Variants in CLTCL1 observed in about 807,000 individuals in gnomAD.
CLTCL1 encodes the protein clathrin heavy chain like 1, also known as clathrin heavy chain 2.
CLTCL1 carries 159 observed loss-of-function variants against 190.0 expected under a neutral mutation model. That is an observed-to-expected ratio of 0.84 (90% CI 0.74 to 0.95). The LOEUF (loss-of-function observed/expected upper bound fraction) is 0.95. Ranked by LOEUF, CLTCL1 falls within the 40% of genes least tolerant of loss-of-function variation. The pLI is 0.00. For missense variants in CLTCL1, 1,878 were observed against 2,033.4 expected (o/e 0.92, Z 1.47); for synonymous variants, 752 against 769.6 (o/e 0.98, Z 0.38).
intron 22 of CLTCL1, among the ~76,000 whole-genome samples, chr22:19,202,441 C>T (rs12172170): frequency 0.021 from 305 of 14,360 alleles, 3 homozygotes; most frequent in East Asian, 0.18. Flanking sequence ...CCTCCTTCCG[C>T]CATCCACGGC....
At chr22:19,213,525 C>A (rs782588378) in intron 19 of CLTCL1, among the ~76,000 whole-genome samples, 1 of 152,156 alleles carries the variant, frequency 6.6e-6, no homozygotes, top group Non-Finnish European at 1.5e-5. Context: ...CTGAAAACCA[C>A]CCAAACGTAC....
intron 2 of CLTCL1, chr22:19,257,952 C>A: frequency 2.4e-6 from 2 of 850,112 alleles, no homozygotes. Context: ...TTTGCAAATT[C>A]TGTGGACAAT....
chr22:19,260,779 CAAAA>C (rs34267370), intron 2 of CLTCL1, among the ~76,000 whole-genome samples: 1 of 56,924 alleles, frequency 1.8e-5, no homozygotes, highest in South Asian at 7.5e-4. Context: ...AACTCTGTCT[CAAAA>C]AAAAAAAAAA....
At chr22:19,247,592 C>T (rs1030861659) in intron 3 of CLTCL1, among the ~76,000 whole-genome samples, 2 of 152,058 alleles carry the variant, frequency 1.3e-5, no homozygotes, top group Admixed American at 6.6e-5. Context: ...CAGAGTTCCA[C>T]TCTTGTTGCC....
chr22:19,183,702 G>C, intron 29 of CLTCL1, 91 bp from the exon 30 acceptor site: 4 of 1,277,354 alleles, frequency 3.1e-6, no homozygotes, highest in Non-Finnish European at 3.3e-6. Context: ...AGTGGCACTA[G>C]ACTCCACCAA....
chr22:19,234,931 T>C (rs2086032459), intron 6 of CLTCL1, among the ~76,000 whole-genome samples: 1 of 134,948 alleles, frequency 7.4e-6, no homozygotes, highest in Non-Finnish European at 1.7e-5. Flanking sequence ...GTCACACAGA[T>C]AAGTGTGATG....
chr22:19,255,268 A>G (rs1055173219), intron 2 of CLTCL1, among the ~76,000 whole-genome samples: 2 of 152,224 alleles, frequency 1.3e-5, no homozygotes, highest in African/African-American at 4.8e-5. Flanking sequence ...ACAACCTACA[A>G]AAATTTCAAT....
chr22:19,223,812 C>T, intron 14 of CLTCL1, 79 bp downstream of exon 14: 3 of 1,562,348 alleles, frequency 1.9e-6, no homozygotes. Context: ...CTTCCTGCCC[C>T]TGGGACGTCC....
intron 4 of CLTCL1, among the ~76,000 whole-genome samples, chr22:19,240,438 G>C (rs2086217894): frequency 6.6e-6 from 1 of 152,060 alleles, no homozygotes; most frequent in African/African-American, 2.4e-5. Flanking sequence ...CGGGCAGAGA[G>C]AGGAGGGAAA....
At chr22:19,193,332 G>A (rs1555933601) in intron 26 of CLTCL1, among the ~76,000 whole-genome samples, 1 of 152,206 alleles carries the variant, frequency 6.6e-6, no homozygotes, top group Non-Finnish European at 1.5e-5. Context: ...TGGTGTTGAG[G>A]CCTGCAGGGA....
intron 1 of CLTCL1, among the ~76,000 whole-genome samples, chr22:19,281,780 T>C (rs2087725122): frequency 6.6e-6 from 1 of 152,162 alleles, no homozygotes; most frequent in Non-Finnish European, 1.5e-5. Flanking sequence ...ATACCAAGAA[T>C]TGGTAATCCT....
chr22:19,276,366 C>T (rs1180878467), intron 1 of CLTCL1, among the ~76,000 whole-genome samples: 3 of 152,184 alleles, frequency 2.0e-5, no homozygotes, highest in South Asian at 2.1e-4. Context: ...ATTTCTAAGT[C>T]AGTGTGAATA....
chr22:19,286,028 G>T (rs2087895630), intron 1 of CLTCL1, among the ~76,000 whole-genome samples: 1 of 152,170 alleles, frequency 6.6e-6, no homozygotes, highest in African/African-American at 2.4e-5. Context: ...TGAACTGAAA[G>T]ATTTTAATTC....
rs782697218 is a variant in CLTCL1, at chr22:19,242,859, C to T, written c.597G>A (p.Ala199=). The change falls in exon 4 of 33, where the codon GCG becomes GCA. Residue 199 remains alanine (A), a synonymous_variant. Coordinates refer to ENST00000427926, the MANE Select transcript of CLTCL1 (RefSeq NM_007098.4). ...KVSQPIEGHA[A]AFAEFKMEGN... is the part of the protein sequence containing the mutation. ...CCTCCATCTTGAACTCTGCAAAAGCCGCAGCATGGCCTTCTATGGGTTGTG... is the reference window on the plus strand; with the variant it reads ...CCTCCATCTTGAACTCTGCAAAAGCTGCAGCATGGCCTTCTATGGGTTGTG... The T allele has an allele frequency of 4.3e-6, 7 of 1,613,824 alleles. No homozygotes were observed. The highest frequency in any genetic ancestry group is 2.2e-5 in the East Asian group (1 of 44,898).
intron 4 of CLTCL1, among the ~76,000 whole-genome samples, chr22:19,240,720 CA>C (rs1383279514): frequency 2.2e-4 from 33 of 152,280 alleles, no homozygotes; most frequent in Non-Finnish European, 4.3e-4. Context: ...CTTAGTGTAC[CA>C]CAAAAGGGTA....
chr22:19,185,317 G>A (rs980063405), intron 29 of CLTCL1, among the ~76,000 whole-genome samples: 3 of 146,186 alleles, frequency 2.1e-5, no homozygotes, highest in Middle Eastern at 3.5e-3. Flanking sequence ...AAGCGCGCTC[G>A]GCCACTTTCT....
intron 11 of CLTCL1, among the ~76,000 whole-genome samples, chr22:19,226,641 T>G (rs1002313854): frequency 6.6e-6 from 1 of 152,218 alleles, no homozygotes; most frequent in African/African-American, 2.4e-5. Flanking sequence ...GGTCACAGAG[T>G]TGGGCCTGTG....
intron 6 of CLTCL1, 58 bp downstream of exon 6, chr22:19,235,638 T>C: frequency 6.5e-7 from 1 of 1,528,814 alleles, no homozygotes; most frequent in South Asian, 1.2e-5. Flanking sequence ...GGGGAAAGTT[T>C]AAACGCCAGT....
intron 29 of CLTCL1, chr22:19,184,709 T>C: frequency 2.6e-6 from 1 of 380,718 alleles, no homozygotes; most frequent in South Asian, 1.9e-5. Context: ...CCTGCTCTGT[T>C]CCTCCTCTGT....
Sources: allele counts gnomAD v4.1 joint callset (sites outside exome capture counted in the v4.1 genomes callset), GRCh38; gene constraint gnomAD v4.1.1; transcripts MANE v1.5; gene names NCBI Gene and HGNC (gene_info 2026-07-23, HGNC 2026-07-21).